Variants in MSRA observed in about 807,000 individuals in gnomAD.
MSRA encodes methionine sulfoxide reductase A, also known as mitochondrial peptide methionine sulfoxide reductase.
A neutral mutation model predicts 31.3 loss-of-function variants in MSRA; 54 were observed. The ratio of observed to expected loss-of-function variants is 1.73; its 90% CI spans 1.39 to 2.17. The LOEUF (loss-of-function observed/expected upper bound fraction) is 2.17. Ranked by LOEUF, MSRA falls within the 30% of genes most tolerant of loss-of-function variation. MSRA has a pLI of 0.00. For missense variants in MSRA, 507 were observed against 300.9 expected (o/e 1.69, Z -5.07); for synonymous variants, 169 against 116.5 (o/e 1.45, Z -2.90).
intron 1 of MSRA, among the ~76,000 whole-genome samples, chr8:10,131,769 C>A (rs372369618): frequency 8.5e-5 from 13 of 152,328 alleles, no homozygotes; most frequent in East Asian, 3.9e-4. Context: ...GTCGCTGCCT[C>A]TTCCTGAGCT....
chr8:10,207,856 A>T lies in MSRA; in HGVS notation c.166A>T (p.Arg56Ter), dbSNP rs747280380. ...VAAKHHVNGN[R>*]TVEPFPEGTQ... Reference sequence around the variant, plus strand: ...AGCCAAACATCATGTCAATGGCAACAGAACAGTCGAACCTTTCCCAGAGGG... The same window carrying T: ...AGCCAAACATCATGTCAATGGCAACTGAACAGTCGAACCTTTCCCAGAGGG... Residue 56 changes from arginine to a stop codon, truncating the protein, a stop_gained, in exon 2 of 6, where the codon AGA becomes TGA. Transcript: ENST00000317173. LOFTEE classifies it high-confidence loss of function. 1 of 1,612,624 alleles carries T rather than the reference A, an allele frequency of 6.2e-7. No individual in the cohort carries two copies. Among genetic ancestry groups the T allele is most frequent in the African/African-American group, 1.3e-5 (1 of 74,932 alleles).
intron 1 of MSRA, among the ~76,000 whole-genome samples, chr8:10,156,089 C>T (rs1346892146): frequency 2.0e-5 from 3 of 152,118 alleles, no homozygotes; most frequent in South Asian, 4.2e-4. Flanking sequence ...AGAGTGGCTT[C>T]GATGCTGCCA....
intron 1 of MSRA, among the ~76,000 whole-genome samples, chr8:10,100,241 G>C (rs187479077): frequency 3.3e-5 from 5 of 152,296 alleles, no homozygotes; most frequent in African/African-American, 1.2e-4. Context: ...TCGTCTTTCT[G>C]GGTCTTTGTC....
chr8:10,222,019 T>G lies in MSRA; in HGVS notation c.211+14118T>G, dbSNP rs115074472. 2.2e-3 allele frequency among the ~76,000 whole-genome samples: 328 copies of G among 151,778 alleles called. 2 individuals carry two copies. Among genetic ancestry groups the G allele is most frequent in the African/African-American group, 7.6e-3 (313 of 41,348 alleles). ...TAATTCGTGGGTAATTGTGGGGACTTTAACATTTATTTTGCACACTATAGG... is the reference window on the plus strand; with the variant it reads ...TAATTCGTGGGTAATTGTGGGGACTGTAACATTTATTTTGCACACTATAGG... On this transcript the variant is annotated intron_variant, in intron 2 of 5. Coordinates refer to ENST00000317173, the MANE Select transcript of MSRA (RefSeq NM_012331.5).
intron 2 of MSRA, among the ~76,000 whole-genome samples, chr8:10,244,829 A>T (rs1797530396): frequency 6.6e-6 from 1 of 152,144 alleles, no homozygotes; most frequent in African/African-American, 2.4e-5. Context: ...GTTATTTGGA[A>T]ATGTGTAGAT....
intron 1 of MSRA, among the ~76,000 whole-genome samples, chr8:10,114,466 A>T (rs1042555208): frequency 6.6e-6 from 1 of 151,570 alleles, no homozygotes; most frequent in African/African-American, 2.4e-5. Context: ...AAGTATGAGC[A>T]TTCCAGTTTC....
chr8:10,306,859 C>G (rs1306017662), intron 4 of MSRA, among the ~76,000 whole-genome samples: 1 of 152,114 alleles, frequency 6.6e-6, no homozygotes, highest in Non-Finnish European at 1.5e-5. Flanking sequence ...CAGTTGCAAC[C>G]CATCTTGCTG....
intron 1 of MSRA, among the ~76,000 whole-genome samples, chr8:10,138,958 C>T (rs1802489641): frequency 6.6e-6 from 1 of 152,168 alleles, no homozygotes; most frequent in Admixed American, 6.5e-5. Flanking sequence ...CAGGTAGAGG[C>T]TGGGTGCTGT....
intron 5 of MSRA, among the ~76,000 whole-genome samples, chr8:10,327,156 A>C (rs1216596829): frequency 6.6e-6 from 1 of 152,186 alleles, no homozygotes; most frequent in East Asian, 1.9e-4. Flanking sequence ...ATAAGGATAA[A>C]ATGTTTCTGG....
intron 5 of MSRA, among the ~76,000 whole-genome samples, chr8:10,347,489 C>G (rs1351422815): frequency 1.3e-5 from 2 of 152,100 alleles, no homozygotes. Context: ...TCAGTGGGTC[C>G]CCATCATCTT....
intron 3 of MSRA, among the ~76,000 whole-genome samples, chr8:10,254,451 AT>A (rs1481603348): frequency 6.6e-6 from 1 of 152,206 alleles, no homozygotes; most frequent in Non-Finnish European, 1.5e-5. Context: ...TTAGCACATA[AT>A]ACCCATCTTA....
intron 4 of MSRA, among the ~76,000 whole-genome samples, chr8:10,310,779 G>C (rs1397195280): frequency 2.0e-5 from 3 of 152,130 alleles, no homozygotes; most frequent in African/African-American, 7.2e-5. Context: ...CTTTCTGTTG[G>C]GTAGCACATG....
At chr8:10,116,655 C>T (rs1022406050) in intron 1 of MSRA, among the ~76,000 whole-genome samples, 4 of 152,140 alleles carry the variant, frequency 2.6e-5, no homozygotes, top group Non-Finnish European at 4.4e-5. Context: ...TGCCAACACA[C>T]TGGTCATTGT....
intron 1 of MSRA, among the ~76,000 whole-genome samples, chr8:10,185,178 C>T (rs1336896375): frequency 2.0e-5 from 3 of 152,034 alleles, no homozygotes; most frequent in Admixed American, 2.0e-4. Flanking sequence ...GAATGCGAAT[C>T]CCCCTGTGGA....
chr8:10,361,041 G>A (rs1804817037), intron 5 of MSRA, among the ~76,000 whole-genome samples: 1 of 152,210 alleles, frequency 6.6e-6, no homozygotes, highest in African/African-American at 2.4e-5. Context: ...CACCTTGGCT[G>A]ATAGAGTTGG....
chr8:10,210,030 C>T (rs1324781008), intron 2 of MSRA, among the ~76,000 whole-genome samples: 1 of 152,138 alleles, frequency 6.6e-6, no homozygotes, highest in Non-Finnish European at 1.5e-5. Context: ...ATGATCCTCA[C>T]TTTCTATCAC....
intron 2 of MSRA, among the ~76,000 whole-genome samples, chr8:10,214,134 C>T (rs1324496747): frequency 2.0e-5 from 3 of 152,040 alleles, no homozygotes; most frequent in African/African-American, 7.3e-5. Context: ...AAAGCCAAGC[C>T]GAGGACTTAG....
chr8:10,329,734 C>A (rs993146690), intron 5 of MSRA, among the ~76,000 whole-genome samples: 1 of 151,654 alleles, frequency 6.6e-6, no homozygotes, highest in Non-Finnish European at 1.5e-5. Flanking sequence ...GGGCGTTGTT[C>A]ACTAGGTGGG....
intron 2 of MSRA, among the ~76,000 whole-genome samples, chr8:10,243,015 A>G (rs937022516): frequency 6.6e-6 from 1 of 152,150 alleles, no homozygotes; most frequent in African/African-American, 2.4e-5. Flanking sequence ...AGGGGATTAA[A>G]TATCTCTCTA....
Sources: allele counts gnomAD v4.1 joint callset (sites outside exome capture counted in the v4.1 genomes callset), GRCh38; gene constraint gnomAD v4.1.1; transcripts MANE v1.5; gene names NCBI Gene and HGNC (gene_info 2026-07-23, HGNC 2026-07-21).